The following SGCZ variants were observed in gnomAD, a reference collection of about 807,000 sequenced individuals.
The protein encoded by SGCZ is sarcoglycan zeta.
In SGCZ, 40 loss-of-function variants were observed where a neutral mutation model predicts 41.3. That is an observed-to-expected ratio of 0.97 (90% CI 0.75 to 1.26). The LOEUF (loss-of-function observed/expected upper bound fraction) is 1.26. Ranked by LOEUF, SGCZ falls within the 50% of genes most tolerant of loss-of-function variation. The probability of loss-of-function intolerance (pLI) is 0.00; values close to 1 mark genes in which losing one functional copy is unlikely to be tolerated. For missense variants in SGCZ, 552 were observed against 369.8 expected (o/e 1.49, Z -4.04); for synonymous variants, 206 against 137.5 (o/e 1.50, Z -3.49).
intron 1 of SGCZ, among the ~76,000 whole-genome samples, chr8:14,582,285 G>A (rs1038790954): frequency 2.0e-4 from 31 of 152,078 alleles, no homozygotes; most frequent in Non-Finnish European, 3.7e-4. Flanking sequence ...TACGTTTGGG[G>A]GGAGTTAAAA....
chr8:14,724,557 A>G (rs2130200087), intron 1 of SGCZ, among the ~76,000 whole-genome samples: 1 of 151,906 alleles, frequency 6.6e-6, no homozygotes, highest in Non-Finnish European at 1.5e-5. Context: ...TATCTGAGAG[A>G]CAATCACTAT....
At chr8:14,229,826 T>C (rs1806498864) in intron 4 of SGCZ, among the ~76,000 whole-genome samples, 1 of 152,152 alleles carries the variant, frequency 6.6e-6, no homozygotes, top group African/African-American at 2.4e-5. Context: ...TTTAAATATT[T>C]ATTATAAAAC....
At chr8:14,230,763 T>TGGG (rs199840948) in intron 4 of SGCZ, among the ~76,000 whole-genome samples, 21 of 126,778 alleles carry the variant, frequency 1.7e-4, no homozygotes, top group Admixed American at 3.2e-4. Flanking sequence ...TTTTTGGTGG[T>TGGG]GGTGGGGGGG....
intron 1 of SGCZ, among the ~76,000 whole-genome samples, chr8:14,566,610 T>C (rs764695100): frequency 3.3e-5 from 5 of 152,250 alleles, no homozygotes; most frequent in African/African-American, 4.8e-5. Context: ...AAATGACTGA[T>C]GCTACCTTCT....
At chr8:14,396,079 T>C (rs1215330480) in intron 2 of SGCZ, among the ~76,000 whole-genome samples, 3 of 152,140 alleles carry the variant, frequency 2.0e-5, no homozygotes, top group African/African-American at 7.2e-5. Flanking sequence ...ATGGGTACCA[T>C]TTGCTCCCTC....
intron 2 of SGCZ, among the ~76,000 whole-genome samples, chr8:14,345,776 G>C (rs1248940136): frequency 6.6e-6 from 1 of 152,106 alleles, no homozygotes. Flanking sequence ...AAAGAAAATA[G>C]CTATTGCAGT....
intron 1 of SGCZ, among the ~76,000 whole-genome samples, chr8:14,923,261 A>G (rs1332551605): frequency 6.6e-6 from 1 of 152,180 alleles, no homozygotes; most frequent in East Asian, 1.9e-4. Flanking sequence ...CTTTGACTCA[A>G]TGGAATGGTT....
At chr8:15,124,230 GA>G (rs1184015670) in intron 1 of SGCZ, among the ~76,000 whole-genome samples, 1 of 152,144 alleles carries the variant, frequency 6.6e-6, no homozygotes, top group Non-Finnish European at 1.5e-5. Context: ...ATTTCAATTT[GA>G]AAAGCAGTGA....
chr8:14,733,181 C>A (rs1222593828), intron 1 of SGCZ, among the ~76,000 whole-genome samples: 2 of 152,130 alleles, frequency 1.3e-5, no homozygotes, highest in Non-Finnish European at 2.9e-5. Context: ...CCCACCTTCC[C>A]TAACTGCCCC....
At chr8:14,366,829 A>G (rs1373760566) in intron 2 of SGCZ, among the ~76,000 whole-genome samples, 1 of 152,144 alleles carries the variant, frequency 6.6e-6, no homozygotes, top group Non-Finnish European at 1.5e-5. Context: ...TACAATGAGG[A>G]TAAAGGCACA....
intron 2 of SGCZ, among the ~76,000 whole-genome samples, chr8:14,487,247 G>A (rs945162448): frequency 5.3e-5 from 8 of 151,990 alleles, no homozygotes; most frequent in Admixed American, 5.2e-4. Flanking sequence ...AATTGTAAAC[G>A]CTTTATTTTT....
At chr8:14,437,026 G>T (rs577491680) in intron 2 of SGCZ, among the ~76,000 whole-genome samples, 8 of 152,234 alleles carry the variant, frequency 5.3e-5, no homozygotes, top group Admixed American at 1.3e-4. Flanking sequence ...ACCAGGAGCG[G>T]GTTAGACTCC....
intron 1 of SGCZ, among the ~76,000 whole-genome samples, chr8:14,734,047 T>C (rs146332080): frequency 7.4e-4 from 112 of 152,318 alleles, no homozygotes; most frequent in Admixed American, 1.4e-3. Context: ...TTAGCACTTA[T>C]GTACCTTGAA....
At chr8:15,152,270 A>C (rs1799198003) in intron 1 of SGCZ, among the ~76,000 whole-genome samples, 1 of 152,216 alleles carries the variant, frequency 6.6e-6, no homozygotes. Flanking sequence ...GAATAGTTAA[A>C]ACATGATGAA....
intron 1 of SGCZ, among the ~76,000 whole-genome samples, chr8:14,829,506 G>T (rs964535059): frequency 6.6e-6 from 1 of 152,136 alleles, no homozygotes; most frequent in Non-Finnish European, 1.5e-5. Flanking sequence ...CAATAGGAAA[G>T]TAAGTTTGAA....
chr8:14,777,798 A>C (rs1463811979), intron 1 of SGCZ, among the ~76,000 whole-genome samples: 1 of 152,112 alleles, frequency 6.6e-6, no homozygotes, highest in Non-Finnish European at 1.5e-5. Context: ...AATAGAGAAA[A>C]TAAAGCCAGT....
At chr8:14,499,821 C>T (rs1289938599) in intron 2 of SGCZ, among the ~76,000 whole-genome samples, 1 of 151,990 alleles carries the variant, frequency 6.6e-6, no homozygotes, top group African/African-American at 2.4e-5. Flanking sequence ...AATTACTATA[C>T]ATCACTAAAA....
In SGCZ at chr8:14,240,404, T is replaced by C. The variant is rs554782179; in HGVS notation, c.337-2725A>G. ...TCATTCCGCATCTTTGTTTGCAACA[T>C]AGCAATCTCCTTTTACTCTAACCGC... On this transcript the variant is annotated intron_variant, in intron 3 of 7. Transcript: ENST00000382080. 1.5e-3 allele frequency among the ~76,000 whole-genome samples: 228 copies of C among 150,760 alleles called. 1 individual carries two copies. The highest frequency in any genetic ancestry group is 5.2e-3 in the African/African-American group (213 of 40,990).
At chr8:14,396,056 G>C (rs543447992) in intron 2 of SGCZ, among the ~76,000 whole-genome samples, 1 of 152,094 alleles carries the variant, frequency 6.6e-6, no homozygotes, top group East Asian at 1.9e-4. Context: ...ATTTTTAAAT[G>C]TAAGACCAAG....
Sources: allele counts gnomAD v4.1 joint callset (sites outside exome capture counted in the v4.1 genomes callset), GRCh38; gene constraint gnomAD v4.1.1; transcripts MANE v1.5; gene names NCBI Gene and HGNC (gene_info 2026-07-23, HGNC 2026-07-21).